BRSK2: variants seen among roughly 807,000 people sequenced by gnomAD.
The protein encoded by BRSK2 is serine/threonine-protein kinase BRSK2.
A neutral mutation model predicts 83.3 loss-of-function variants in BRSK2; 19 were observed. The ratio of observed to expected loss-of-function variants is 0.23; its 90% CI spans 0.16 to 0.33. The LOEUF (loss-of-function observed/expected upper bound fraction) is 0.33, where lower values mean the gene tolerates loss of function less well. Ranked by LOEUF, BRSK2 falls within the 10% of genes least tolerant of loss-of-function variation. The probability of loss-of-function intolerance (pLI) is 1.00; values close to 1 mark genes in which losing one functional copy is unlikely to be tolerated. For missense variants in BRSK2, 798 were observed against 1,042.3 expected, an observed-to-expected ratio of 0.77 and a Z score of 3.23; for synonymous variants, 519 against 435.4, an observed-to-expected ratio of 1.19 and a Z score of -2.39.
chr11:1,415,066 G>C (rs1490648402), intron 1 of BRSK2, among the ~76,000 whole-genome samples: 1 of 151,360 alleles, frequency 6.6e-6, no homozygotes, highest in South Asian at 2.1e-4. Context: ...TGGGAGCATA[G>C]ACCTCAGAGT....
chr11:1,434,744 C>G (rs989319855), intron 1 of BRSK2, among the ~76,000 whole-genome samples: 5 of 147,266 alleles, frequency 3.4e-5, no homozygotes, highest in Non-Finnish European at 6.0e-5. Flanking sequence ...GGTGTCTGGG[C>G]GCACCTAGGA....
At chr11:1,400,222 G>A (rs958005717) in intron 1 of BRSK2, among the ~76,000 whole-genome samples, 1 of 152,170 alleles carries the variant, frequency 6.6e-6, no homozygotes, top group African/African-American at 2.4e-5. Context: ...TCTGCGTGGG[G>A]CCGTGGACTC....
At chr11:1,443,673 CGG>C (rs56896587) in intron 8 of BRSK2, 38 bp downstream of exon 8, 1 of 1,508,340 alleles carries the variant, frequency 6.6e-7, no homozygotes, top group Non-Finnish European at 8.8e-7. Context: ...CAGAGCGTGG[CGG>C]GGGGGCGCGG....
chr11:1,400,240 C>A (rs376692995), intron 1 of BRSK2, among the ~76,000 whole-genome samples: 2 of 152,182 alleles, frequency 1.3e-5, no homozygotes, highest in African/African-American at 2.4e-5. Flanking sequence ...CTCAGTCTCC[C>A]GCCCCCTCCA....
intron 12 of BRSK2, among the ~76,000 whole-genome samples, chr11:1,449,276 G>A (rs1845505999): frequency 6.6e-6 from 1 of 152,222 alleles, no homozygotes; most frequent in Non-Finnish European, 1.5e-5. Flanking sequence ...GGCCCTCCTG[G>A]TTGTGGACAA....
intron 19 of BRSK2, chr11:1,459,471 C>A: frequency 1.7e-6 from 1 of 573,032 alleles, no homozygotes; most frequent in Non-Finnish European, 3.2e-6. Context: ...CTGCCAGGCC[C>A]TAGGATCAGG....
At chr11:1,449,297 G>A (rs1290587954) in intron 12 of BRSK2, among the ~76,000 whole-genome samples, 4 of 152,220 alleles carry the variant, frequency 2.6e-5, no homozygotes, top group Non-Finnish European at 5.9e-5. Context: ...GGGAAGGGCC[G>A]GCCGCTGACC....
chr11:1,397,283 C>G (rs1053523273), intron 1 of BRSK2, among the ~76,000 whole-genome samples: 2 of 152,216 alleles, frequency 1.3e-5, no homozygotes, highest in Non-Finnish European at 2.9e-5. Context: ...AAGATGGAGG[C>G]TGGGCTGGGG....
chr11:1,414,829 C>T (rs1847924266), intron 1 of BRSK2, among the ~76,000 whole-genome samples: 2 of 152,184 alleles, frequency 1.3e-5, no homozygotes, highest in East Asian at 1.9e-4. Context: ...CGTCCGTCTG[C>T]GTCTGGCTTC....
chr11:1,412,688 A>G, intron 1 of BRSK2, among the ~76,000 whole-genome samples: 1 of 152,154 alleles, frequency 6.6e-6, no homozygotes, highest in East Asian at 1.9e-4. Context: ...ACCTTTACTG[A>G]GCCAGGGACA....
At chr11:1,421,409 A>G (rs763062222) in intron 1 of BRSK2, among the ~76,000 whole-genome samples, 15 of 151,950 alleles carry the variant, frequency 9.9e-5, no homozygotes, top group South Asian at 2.1e-4. Context: ...CTCCTCCACA[A>G]TCTGGTCCCC....
chr11:1,451,552 C>A, intron 15 of BRSK2, 133 bp downstream of exon 15: 1 of 924,158 alleles, frequency 1.1e-6, no homozygotes. Flanking sequence ...CAGGCAGGCC[C>A]GTCTCGGCCA....
chr11:1,405,785 A>C (rs1455522164), intron 1 of BRSK2, among the ~76,000 whole-genome samples: 1 of 152,130 alleles, frequency 6.6e-6, no homozygotes, highest in Non-Finnish European at 1.5e-5. Flanking sequence ...CCCAGCCAGC[A>C]GCCCGCATCT....
rs1851633899 is a variant in BRSK2 at position 1,443,545 on chromosome 11, G to A, written c.690G>A (p.Arg230=). ...NLRQLLEKVK[R]GVFHMPHFIP... is the part of the protein sequence containing the mutation. The stretch of plus-strand genomic sequence containing the variant: ...GACAGCTGCTGGAGAAGGTGAAGCG[G>A]GGCGTGTTCCACATGCCGCACTTTA... Residue 230 remains arginine (R), a synonymous_variant, in exon 8 of 20, where the codon CGG becomes CGA. Transcript: ENST00000528841. 2 of 1,609,848 alleles carry A rather than the reference G, an allele frequency of 1.2e-6. No individual in the cohort carries two copies. The highest frequency in any genetic ancestry group is 1.7e-6 in the Non-Finnish European group (2 of 1,178,606).
chr11:1,443,507 G>A lies in BRSK2; in HGVS notation c.652G>A (p.Asp218Asn). The change falls in exon 8 of 20, where the codon GAT becomes AAT. Residue 218 changes from aspartate (D) to asparagine (N), a missense_variant. By Grantham distance (23) the Asp-to-Asn change is conservative. Transcript: ENST00000528841. ...ALLVGALPFD[D>N]DNLRQLLEKV... ...CCCGCAGGGGGCTCTGCCCTTCGAC[G>A]ATGACAACTTGCGACAGCTGCTGGA... The A allele has an allele frequency of 6.2e-7, 1 of 1,603,382 alleles. No homozygotes were observed.
chr11:1,402,797 G>A (rs1251069558), intron 1 of BRSK2, among the ~76,000 whole-genome samples: 2 of 152,190 alleles, frequency 1.3e-5, no homozygotes, highest in Non-Finnish European at 2.9e-5. Context: ...CTGACACACG[G>A]GGAGGGAACA....
chr11:1,449,700 G>C (rs1845563978), intron 12 of BRSK2, 76 bp from the exon 13 acceptor site: 3 of 1,326,428 alleles, frequency 2.3e-6, no homozygotes, highest in Non-Finnish European at 3.2e-6. Context: ...GGGTTTACCT[G>C]GGGGGAGCAG....
At chr11:1,419,933 T>C (rs1401562952) in intron 1 of BRSK2, among the ~76,000 whole-genome samples, 1 of 152,212 alleles carries the variant, frequency 6.6e-6, no homozygotes, top group Non-Finnish European at 1.5e-5. Context: ...GAAACAAGAA[T>C]GTTTGAAATC....
At chr11:1,391,359 G>A (rs1845719920) in intron 1 of BRSK2, among the ~76,000 whole-genome samples, 1 of 152,242 alleles carries the variant, frequency 6.6e-6, no homozygotes, top group South Asian at 2.1e-4. Flanking sequence ...CAGGGGTGGA[G>A]GGAAGGAGGA....
Sources: allele counts gnomAD v4.1 joint callset (sites outside exome capture counted in the v4.1 genomes callset), GRCh38; gene constraint gnomAD v4.1.1; transcripts MANE v1.5; gene names NCBI Gene and HGNC (gene_info 2026-07-23, HGNC 2026-07-21).